IGSF10: variants seen among roughly 807,000 people sequenced by gnomAD.
The protein encoded by IGSF10 is immunoglobulin superfamily member 10.
In IGSF10, 126 loss-of-function variants were observed where a neutral mutation model predicts 128.2. That is an observed-to-expected ratio of 0.98 (90% CI 0.85 to 1.14). The LOEUF (loss-of-function observed/expected upper bound fraction) is 1.14, where lower values mean the gene tolerates loss of function less well. IGSF10 is among the 50% of genes most tolerant of loss of function. The pLI, the probability that IGSF10 is intolerant of heterozygous loss-of-function variation, is 0.00. For synonymous variants in IGSF10, 1,185 were observed against 1,146.2 expected (o/e 1.03, Z -0.68); for missense variants, 3,295 against 3,149.8 (o/e 1.05, Z -1.10).
the IGSF10 span, among the ~76,000 whole-genome samples, chr3:151,614,666 T>A: frequency 6.6e-6 from 1 of 150,760 alleles, no homozygotes; most frequent in African/African-American, 2.4e-5. Context: ...CACCGGGGAC[T>A]GTTGTGGGGT....
At chr3:151,516,234 A>T in the IGSF10 span, among the ~76,000 whole-genome samples, 15 of 152,162 alleles carry the variant, frequency 9.9e-5, no homozygotes, top group Middle Eastern at 3.4e-3. Context: ...GGTAAAGGTA[A>T]CAAGGGAAGT....
At chr3:151,451,774 T>C (rs911436768) in intron 5 of IGSF10, among the ~76,000 whole-genome samples, 1 of 152,214 alleles carries the variant, frequency 6.6e-6, no homozygotes, top group Non-Finnish European at 1.5e-5. Flanking sequence ...GATTACACTA[T>C]GATTTAGCAT....
the IGSF10 span, among the ~76,000 whole-genome samples, chr3:151,520,379 A>G: frequency 6.6e-6 from 1 of 151,860 alleles, no homozygotes; most frequent in Non-Finnish European, 1.5e-5. Flanking sequence ...AATGAAAGAG[A>G]ACTTGCTTCT....
chr3:151,471,441 A>T, the IGSF10 span, among the ~76,000 whole-genome samples: 1 of 152,186 alleles, frequency 6.6e-6, no homozygotes, highest in East Asian at 1.9e-4. Flanking sequence ...CAGAAGGAAA[A>T]TTTCAGGCAA....
chr3:151,504,890 CATCT>C, the IGSF10 span, among the ~76,000 whole-genome samples: 1 of 152,220 alleles, frequency 6.6e-6, no homozygotes, highest in Non-Finnish European at 1.5e-5. Context: ...TCCTCATCTC[CATCT>C]GAGATGGCCT....
intron 1 of IGSF10, among the ~76,000 whole-genome samples, chr3:151,460,620 C>T (rs1700110841): frequency 6.6e-6 from 1 of 152,210 alleles, no homozygotes; most frequent in Admixed American, 6.5e-5. Context: ...ATATTAACTA[C>T]TACTAATCAC....
chr3:151,534,169 G>C, the IGSF10 span, among the ~76,000 whole-genome samples: 1 of 151,992 alleles, frequency 6.6e-6, no homozygotes, highest in African/African-American at 2.4e-5. Flanking sequence ...AGATGCTGGA[G>C]AAGTGGAGAA....
the IGSF10 span, among the ~76,000 whole-genome samples, chr3:151,542,456 T>C: frequency 6.6e-6 from 1 of 152,306 alleles, no homozygotes; most frequent in South Asian, 2.1e-4. Flanking sequence ...TGTATTCTAG[T>C]CCTCTTCCTC....
At chr3:151,601,994 C>T in the IGSF10 span, among the ~76,000 whole-genome samples, 2 of 152,000 alleles carry the variant, frequency 1.3e-5, no homozygotes, top group Admixed American at 6.6e-5. Flanking sequence ...ACTTAAGAAG[C>T]ATTGCTATCA....
At chr3:151,501,773 T>C in the IGSF10 span, among the ~76,000 whole-genome samples, 3 of 152,126 alleles carry the variant, frequency 2.0e-5, no homozygotes, top group Non-Finnish European at 4.4e-5. Flanking sequence ...GTAACCAATT[T>C]GAAAAGTACA....
At chr3:151,502,648 A>T in the IGSF10 span, among the ~76,000 whole-genome samples, 1 of 151,778 alleles carries the variant, frequency 6.6e-6, no homozygotes, top group Non-Finnish European at 1.5e-5. Flanking sequence ...TATAACTAAA[A>T]TTTTTTCTAT....
the IGSF10 span, among the ~76,000 whole-genome samples, chr3:151,528,610 T>C: frequency 6.6e-6 from 1 of 152,118 alleles, no homozygotes; most frequent in Admixed American, 6.5e-5. Context: ...GGTTGGGGGA[T>C]TTCCCTCCCC....
At chr3:151,479,359 G>T in the IGSF10 span, among the ~76,000 whole-genome samples, 1 of 151,422 alleles carries the variant, frequency 6.6e-6, no homozygotes, top group Non-Finnish European at 1.5e-5. Flanking sequence ...ACTTTTAAAC[G>T]TCTTTTAATT....
At chr3:151,536,083 T>C in the IGSF10 span, among the ~76,000 whole-genome samples, 56,747 of 151,922 alleles carry the variant, frequency 0.37, 10,867 homozygotes, top group Middle Eastern at 0.47. Context: ...CTGTGTCCTG[T>C]CCCACCATGG....
the IGSF10 span, among the ~76,000 whole-genome samples, chr3:151,543,809 C>T: frequency 6.6e-6 from 1 of 152,226 alleles, no homozygotes; most frequent in African/African-American, 2.4e-5. Context: ...TTGATCAAAG[C>T]ATATCCATGT....
intron 4 of IGSF10, among the ~76,000 whole-genome samples, chr3:151,455,359 C>CG (rs945612598): frequency 1.3e-5 from 2 of 151,622 alleles, no homozygotes; most frequent in Non-Finnish European, 2.9e-5. Flanking sequence ...TGATCTGCCC[C>CG]CCCTTGGCCT....
the IGSF10 span, among the ~76,000 whole-genome samples, chr3:151,586,881 C>T: frequency 6.0e-4 from 91 of 151,442 alleles, no homozygotes; most frequent in Middle Eastern, 3.4e-3. Flanking sequence ...GGGGAAAACA[C>T]AAAAAAAGAA....
Position 151,437,783 on chromosome 3 carries a change from C to CAA in IGSF10, c.6776_6777dup (p.Asp2260LeufsTer45). ...GATGGTGTCCCTTCAGCTCTGCAGT[C>CAA]AAAGTGTTTTTTGGAATGTCTCACA... On this transcript the variant is annotated frameshift_variant, in exon 8 of 8. Transcript: ENST00000282466. LOFTEE classifies it low-confidence loss of function (END_TRUNC). 6.2e-7 allele frequency: 1 copy of CAA among 1,613,826 alleles called. No homozygotes were observed. Among genetic ancestry groups the CAA allele is most frequent in the Non-Finnish European group, 8.5e-7 (1 of 1,179,966 alleles).
the IGSF10 span, among the ~76,000 whole-genome samples, chr3:151,610,320 C>T: frequency 4.1e-3 from 625 of 152,242 alleles, 6 homozygotes; most frequent in African/African-American, 0.014. Flanking sequence ...GAGCATGATG[C>T]CATCTTATAG....
Sources: allele counts gnomAD v4.1 joint callset (sites outside exome capture counted in the v4.1 genomes callset), GRCh38; gene constraint gnomAD v4.1.1; transcripts MANE v1.5; gene names NCBI Gene and HGNC (gene_info 2026-07-23, HGNC 2026-07-21).